Variants in RBMS1 observed in about 807,000 individuals in gnomAD.
The protein encoded by RBMS1 is RNA binding motif single stranded interacting protein 1.
Under a neutral mutation model 62.3 loss-of-function variants are expected in RBMS1, and 17 were observed. The observed-to-expected ratio is 0.27, with a 90% CI of 0.19 to 0.41. The LOEUF (loss-of-function observed/expected upper bound fraction) is 0.41. Among genes scored for constraint, RBMS1 ranks in the 10% least tolerant of loss-of-function variants. RBMS1 has a pLI of 1.00. For missense variants in RBMS1, 334 were observed against 504.5 expected (o/e 0.66, Z 3.24); for synonymous variants, 172 against 170.0 (o/e 1.01, Z -0.09).
At chr2:160,350,649 A>C (rs985320112) in intron 2 of RBMS1, among the ~76,000 whole-genome samples, 1 of 152,142 alleles carries the variant, frequency 6.6e-6, no homozygotes, top group Non-Finnish European at 1.5e-5. Context: ...CAAGGCTGGG[A>C]ATTTATCAAG....
intron 1 of RBMS1, among the ~76,000 whole-genome samples, chr2:160,459,560 T>TA (rs1477595673): frequency 6.6e-6 from 1 of 152,186 alleles, no homozygotes; most frequent in African/African-American, 2.4e-5. Flanking sequence ...CTGACCTATT[T>TA]AAAAAACGTT....
intron 1 of RBMS1, among the ~76,000 whole-genome samples, chr2:160,422,173 T>C (rs936499188): frequency 3.9e-5 from 6 of 152,206 alleles, no homozygotes; most frequent in Admixed American, 6.5e-5. Context: ...CAAAGATATT[T>C]ATCATCATTT....
At position 160,485,188 on chromosome 2, in the gene RBMS1, A is replaced by G. The variant is rs375105097; in HGVS notation, c.75+8101T>C. ...CACAAGAAAACAGGTGAGTGGGTCTAGAAGTGAAGAGGGCTCTCAGGGGAC... is the reference window on the plus strand; with the variant it reads ...CACAAGAAAACAGGTGAGTGGGTCTGGAAGTGAAGAGGGCTCTCAGGGGAC... On this transcript the variant is annotated intron_variant, in intron 1 of 13. Coordinates refer to ENST00000348849, the MANE Select transcript of RBMS1 (RefSeq NM_016836.4). Among the ~76,000 whole-genome samples the G allele has an allele frequency of 1.2e-4, 18 of 152,338 alleles. No homozygotes were observed. In the East Asian group the frequency reaches 2.1e-3, roughly 18 times the overall value.
intron 2 of RBMS1, among the ~76,000 whole-genome samples, chr2:160,340,685 A>T (rs1014293840): frequency 6.6e-6 from 1 of 152,220 alleles, no homozygotes; most frequent in Non-Finnish European, 1.5e-5. Context: ...AAAAAAACCT[A>T]GCAAAACAAA....
chr2:160,356,551 C>T (rs1287592414), intron 2 of RBMS1, among the ~76,000 whole-genome samples: 1 of 152,066 alleles, frequency 6.6e-6, no homozygotes, highest in South Asian at 2.1e-4. Context: ...TGGAGTCAGA[C>T]TGTCCATTCT....
intron 2 of RBMS1, among the ~76,000 whole-genome samples, chr2:160,324,023 T>A (rs111664944): frequency 8.3e-4 from 127 of 152,360 alleles, no homozygotes; most frequent in African/African-American, 3.0e-3. Context: ...ATATAAAGCT[T>A]AATTTTCTCC....
intron 2 of RBMS1, among the ~76,000 whole-genome samples, chr2:160,335,462 T>TA (rs1208195651): frequency 2.0e-5 from 3 of 152,130 alleles, no homozygotes; most frequent in African/African-American, 4.8e-5. Context: ...TTGTTGTGTG[T>TA]AAAAAATGTT....
At chr2:160,349,553 AAGAGAG>A (rs372260654) in intron 2 of RBMS1, among the ~76,000 whole-genome samples, 1,650 of 142,826 alleles carry the variant, frequency 0.012, 40 homozygotes, top group African/African-American at 0.037. Context: ...CAGAGACAGA[AAGAGAG>A]AGAGAGAGAG....
intron 1 of RBMS1, among the ~76,000 whole-genome samples, chr2:160,445,704 T>C (rs1683613547): frequency 6.6e-6 from 1 of 152,234 alleles, no homozygotes; most frequent in African/African-American, 2.4e-5. Flanking sequence ...TGTGTCTTGC[T>C]ACAATGCACA....
chr2:160,405,294 C>T, intron 1 of RBMS1, among the ~76,000 whole-genome samples: 1 of 150,752 alleles, frequency 6.6e-6, no homozygotes, highest in Non-Finnish European at 1.5e-5. Context: ...GAGATCAGCT[C>T]TAACAGCTGA....
intron 3 of RBMS1, among the ~76,000 whole-genome samples, chr2:160,313,569 A>T (rs930302798): frequency 7.3e-5 from 11 of 151,388 alleles, no homozygotes; most frequent in Admixed American, 2.6e-4. Flanking sequence ...AAAGAAATTT[A>T]AAAAAAAAGG....
intron 2 of RBMS1, among the ~76,000 whole-genome samples, chr2:160,363,781 T>A (rs1011099344): frequency 1.3e-5 from 2 of 151,742 alleles, no homozygotes; most frequent in African/African-American, 4.9e-5. Flanking sequence ...AATATTCAAA[T>A]GGAAAATGTG....
At chr2:160,392,530 TTTA>T (rs1200972586) in intron 1 of RBMS1, among the ~76,000 whole-genome samples, 1 of 152,048 alleles carries the variant, frequency 6.6e-6, no homozygotes, top group Non-Finnish European at 1.5e-5. Flanking sequence ...CACGTAAACC[TTTA>T]TTGCTTGTTT....
intron 12 of RBMS1, 106 bp from the exon 13 acceptor site, chr2:160,275,820 TAAAGTA>T: frequency 1.3e-6 from 2 of 1,483,930 alleles, no homozygotes. Context: ...AGTTACTCTT[TAAAGTA>T]AATTTCTTCA....
intron 1 of RBMS1, among the ~76,000 whole-genome samples, chr2:160,475,375 T>G (rs545212293): frequency 1.3e-5 from 2 of 152,202 alleles, no homozygotes; most frequent in African/African-American, 4.8e-5. Context: ...CTGGCAGATC[T>G]AAGGGTAGGA....
rs545775295 is a variant in RBMS1 at position 160,472,554 on chromosome 2, T to C, written c.75+20735A>G. 3.3e-5 allele frequency among the ~76,000 whole-genome samples: 5 copies of C among 152,354 alleles called. No homozygotes were observed. In the East Asian group the frequency reaches 7.7e-4, roughly 24 times the overall value. On this transcript the variant is annotated intron_variant, in intron 1 of 13. Transcript: ENST00000348849. ...TTTAATCGATAATATTGTTGCCTCTTTGCATGTGCTATTTTTTGAAAATGT... is the reference window on the plus strand; with the variant it reads ...TTTAATCGATAATATTGTTGCCTCTCTGCATGTGCTATTTTTTGAAAATGT...
At chr2:160,278,443 C>T (rs1206504586) in intron 11 of RBMS1, 105 bp downstream of exon 11, 4 of 904,868 alleles carry the variant, frequency 4.4e-6, no homozygotes, top group East Asian at 5.2e-5. Context: ...GGGGATTAGA[C>T]ATAATCTGTT....
intron 1 of RBMS1, among the ~76,000 whole-genome samples, chr2:160,414,097 C>G (rs988919068): frequency 2.0e-5 from 3 of 152,148 alleles, no homozygotes; most frequent in Non-Finnish European, 4.4e-5. Context: ...GGCACTTATC[C>G]CTTCTAGAAG....
intron 6 of RBMS1, among the ~76,000 whole-genome samples, chr2:160,287,356 C>T (rs1178088231): frequency 6.6e-6 from 1 of 152,110 alleles, no homozygotes; most frequent in East Asian, 1.9e-4. Flanking sequence ...AGAGTAGACA[C>T]ATTTCTTTTG....
Sources: gnomAD v4.1 joint callset for allele counts (sites outside exome capture counted in the v4.1 genomes callset) on GRCh38, gnomAD v4.1.1 for gene constraint, MANE v1.5 for transcripts, NCBI Gene and HGNC (gene_info 2026-07-23, HGNC 2026-07-21) for gene names.